Variants in TAF3 observed in about 807,000 individuals in gnomAD.
TAF3 encodes transcription initiation factor TFIID subunit 3.
TAF3 carries 7 observed loss-of-function variants against 80.6 expected under a neutral mutation model. The observed-to-expected ratio is 0.09, with a 90% CI of 0.05 to 0.16. The LOEUF (loss-of-function observed/expected upper bound fraction) is 0.16, where lower values mean the gene tolerates loss of function less well. Among genes scored for constraint, TAF3 ranks in the 10% least tolerant of loss-of-function variants. The probability of loss-of-function intolerance (pLI) is 1.00; values close to 1 mark genes in which losing one functional copy is unlikely to be tolerated. For missense variants in TAF3, 921 were observed against 1,140.2 expected (o/e 0.81, Z 2.77); for synonymous variants, 444 against 446.1 (o/e 1.00, Z 0.06).
Position 7,965,308 on chromosome 10 carries a change from C to G in TAF3, c.1798C>G (p.Pro600Ala), listed in dbSNP as rs1335974435. The G allele has an allele frequency of 6.2e-7, 1 of 1,604,438 alleles. No individual in the cohort carries two copies. ...AATCAAAGAATTTGAAGATGTTGAT[C>G]CCAAAGTGAAATTGAAAGATGGACT... Reference protein sequence around the residue: ...FKIKEFEDVDPKVKLKDGLVR... With the variant: ...FKIKEFEDVDAKVKLKDGLVR... The change falls in exon 3 of 7, where the codon CCC (proline) becomes GCC (alanine). Residue 600 changes from proline (P) to alanine (A), a missense_variant. Coordinates refer to ENST00000344293, the MANE Select transcript of TAF3 (RefSeq NM_031923.4).
At chr10:7,930,156 G>A (rs1231813833) in intron 2 of TAF3, among the ~76,000 whole-genome samples, 1 of 152,124 alleles carries the variant, frequency 6.6e-6, no homozygotes, top group Non-Finnish European at 1.5e-5. Context: ...CCGTGATTGT[G>A]GTACTGCGCT....
At chr10:7,973,296 A>G (rs1831638245) in intron 3 of TAF3, among the ~76,000 whole-genome samples, 1 of 152,248 alleles carries the variant, frequency 6.6e-6, no homozygotes, top group Admixed American at 6.5e-5. Flanking sequence ...GGTAGGTCAA[A>G]CAGCTTTATT....
At chr10:7,844,711 C>G (rs1836952219) in intron 2 of TAF3, among the ~76,000 whole-genome samples, 1 of 152,086 alleles carries the variant, frequency 6.6e-6, no homozygotes, top group South Asian at 2.1e-4. Context: ...CTGTCTTTTT[C>G]CATTATGAAC....
chr10:7,917,735 T>C (rs1419554371), intron 2 of TAF3, among the ~76,000 whole-genome samples: 1 of 152,142 alleles, frequency 6.6e-6, no homozygotes, highest in African/African-American at 2.4e-5. Flanking sequence ...CTGGACTAGA[T>C]ACGGGGTGCG....
chr10:8,014,074 C>CTTATTAAAAATTA (rs200516205), intron 6 of TAF3, among the ~76,000 whole-genome samples: 6,572 of 152,238 alleles, frequency 0.043, 209 homozygotes, highest in Non-Finnish European at 0.061. Context: ...ATCTATCCTT[C>CTTATTAAAAATTA]TTATTAAAAA....
intron 2 of TAF3, among the ~76,000 whole-genome samples, chr10:7,934,451 A>T (rs946680018): frequency 4.2e-4 from 64 of 151,858 alleles, no homozygotes; most frequent in African/African-American, 1.5e-3. Context: ...TTATTTATTT[A>T]TTTATTTATT....
At chr10:7,873,994 A>G (rs966305054) in intron 2 of TAF3, among the ~76,000 whole-genome samples, 27 of 152,206 alleles carry the variant, frequency 1.8e-4, no homozygotes, top group African/African-American at 6.5e-4. Context: ...ATTTGTATTC[A>G]GCAAGGTCAA....
At chr10:7,880,107 C>T (rs1361530528) in intron 2 of TAF3, among the ~76,000 whole-genome samples, 1 of 152,116 alleles carries the variant, frequency 6.6e-6, no homozygotes, top group African/African-American at 2.4e-5. Context: ...GCCTTGGTGG[C>T]ATGCACCTGT....
At chr10:7,937,049 C>T (rs898138292) in intron 2 of TAF3, among the ~76,000 whole-genome samples, 25 of 152,178 alleles carry the variant, frequency 1.6e-4, no homozygotes, top group African/African-American at 5.5e-4. Flanking sequence ...AATAATATTC[C>T]GTTGTCTGAA....
At chr10:7,859,596 C>T (rs751027067) in intron 2 of TAF3, among the ~76,000 whole-genome samples, 42 of 152,196 alleles carry the variant, frequency 2.8e-4, no homozygotes, top group Admixed American at 2.6e-3. Flanking sequence ...GAACCTTAGA[C>T]GCCCTCCATT....
At chr10:7,943,416 C>T (rs1162749386) in intron 2 of TAF3, among the ~76,000 whole-genome samples, 1 of 152,094 alleles carries the variant, frequency 6.6e-6, no homozygotes, top group African/African-American at 2.4e-5. Context: ...CTTGATACAC[C>T]TTGATAGTAG....
chr10:7,979,317 C>G (rs1169202353), intron 4 of TAF3, among the ~76,000 whole-genome samples: 2 of 149,186 alleles, frequency 1.3e-5, no homozygotes, highest in East Asian at 3.9e-4. Context: ...GAACTCCAGC[C>G]TGGGCAACAG....
intron 4 of TAF3, among the ~76,000 whole-genome samples, chr10:7,997,216 C>G (rs1365882084): frequency 6.6e-6 from 1 of 152,178 alleles, no homozygotes; most frequent in African/African-American, 2.4e-5. Flanking sequence ...CCTGTGGCAT[C>G]ATTTTGTTAC....
Position 8,016,020 on chromosome 10 carries a change from TTATTA to T in TAF3, c.*1276_*1280del, listed in dbSNP as rs1427155520. ...TCAAATTTCAGGGTATCACAAAACT[TTATTA>T]TATTATTATACTGCCCACTATTTAT... is the stretch of plus-strand genomic sequence containing the variant. On this transcript the variant is annotated 3_prime_UTR_variant, in exon 7 of 7. Coordinates refer to ENST00000344293, the MANE Select transcript of TAF3 (RefSeq NM_031923.4). The T allele has an allele frequency of 6.6e-6, 1 of 152,148 alleles. No homozygotes were observed. 9.4% of individuals were successfully genotyped at this position (152,148 alleles called of 1,614,324 possible).
chr10:7,956,602 A>G (rs1164966034), intron 2 of TAF3, among the ~76,000 whole-genome samples: 1 of 152,230 alleles, frequency 6.6e-6, no homozygotes, highest in African/African-American at 2.4e-5. Flanking sequence ...TTTTGTATAC[A>G]TTATGATCAG....
At chr10:7,911,841 C>CT (rs1189759215) in intron 2 of TAF3, among the ~76,000 whole-genome samples, 5 of 152,162 alleles carry the variant, frequency 3.3e-5, no homozygotes, top group Admixed American at 1.3e-4. Flanking sequence ...GGGGCCAAAA[C>CT]TTTTTTTTCT....
At chr10:7,995,082 A>G (rs1455553068) in intron 4 of TAF3, among the ~76,000 whole-genome samples, 3 of 152,138 alleles carry the variant, frequency 2.0e-5, no homozygotes, top group African/African-American at 7.2e-5. Context: ...TAAAAGTAAT[A>G]GTACCACTAT....
intron 2 of TAF3, among the ~76,000 whole-genome samples, chr10:7,918,622 C>T (rs1837734304): frequency 6.6e-6 from 1 of 152,114 alleles, no homozygotes; most frequent in Admixed American, 6.5e-5. Context: ...CACCAGGGGG[C>T]AGGCCTCCAG....
In TAF3 at chr10:7,931,610, G is replaced by T. The variant is rs545733478; in HGVS notation, c.410-32310G>T. ...TGAAGGTTCTAAAAGCAAGAAAATGGTAATTATACCTTGAAGAGTCTTAAA... is the reference window on the plus strand; with the variant it reads ...TGAAGGTTCTAAAAGCAAGAAAATGTTAATTATACCTTGAAGAGTCTTAAA... On this transcript the variant is annotated intron_variant, in intron 2 of 6. Transcript: ENST00000344293. Among the ~76,000 whole-genome samples, 11 of 152,218 alleles carry T rather than the reference G, an allele frequency of 7.2e-5. No individual in the cohort carries two copies. In the South Asian group the frequency reaches 2.3e-3, roughly 32 times the overall value.
Sources: allele counts gnomAD v4.1 joint callset (sites outside exome capture counted in the v4.1 genomes callset), GRCh38; gene constraint gnomAD v4.1.1; transcripts MANE v1.5; gene names NCBI Gene and HGNC (gene_info 2026-07-23, HGNC 2026-07-21).